The following FAM13A variants were observed in gnomAD, a reference collection of about 807,000 sequenced individuals.
FAM13A encodes the protein family with sequence similarity 13 member A.
In FAM13A, 76 loss-of-function variants were observed where a neutral mutation model predicts 129.6. The ratio of observed to expected loss-of-function variants is 0.59; its 90% CI spans 0.49 to 0.71. FAM13A has a LOEUF of 0.71. Ranked by LOEUF, FAM13A falls within the 30% of genes least tolerant of loss-of-function variation. The pLI is 0.00. For synonymous variants in FAM13A, 443 were observed against 449.9 expected (o/e 0.98, Z 0.20); for missense variants, 1,108 against 1,249.3 (o/e 0.89, Z 1.70).
Position 88,746,949 on chromosome 4 carries a change from T to C in FAM13A, c.2449A>G (p.Ser817Gly). The C allele has an allele frequency of 3.7e-6, 6 of 1,612,984 alleles. No individual in the cohort carries two copies. The highest frequency in any genetic ancestry group is 5.1e-6 in the Non-Finnish European group (6 of 1,178,964). ...TCACATACCGGCCGTCCATGAATGC[T>C]TTCATAATATAACAGAGCTTTCTGC... ...ALQKALLYYESIHGRPVTKNE... is the reference protein window; with the variant it reads ...ALQKALLYYEGIHGRPVTKNE... The change falls in exon 19 of 24, where the codon AGC becomes GGC. Residue 817 changes from serine to glycine, a missense_variant. By Grantham distance (56) the Ser-to-Gly change is moderately conservative. Transcript: ENST00000264344.
intron 8 of FAM13A, among the ~76,000 whole-genome samples, chr4:88,802,948 C>A (rs1015644796): frequency 1.3e-5 from 2 of 152,212 alleles, no homozygotes; most frequent in African/African-American, 4.8e-5. Context: ...CTGATCTGCA[C>A]TCTCTGAAGA....
At chr4:88,898,379 G>A (rs1388185042) in intron 6 of FAM13A, among the ~76,000 whole-genome samples, 1 of 151,912 alleles carries the variant, frequency 6.6e-6, no homozygotes, top group Non-Finnish European at 1.5e-5. Context: ...TTTATCATCT[G>A]TAAGTTTGGA....
Position 88,979,714 on chromosome 4 carries a change from C to T in FAM13A, c.605+11259G>A, listed in dbSNP as rs537632947. On this transcript the variant is annotated intron_variant, in intron 4 of 23. Coordinates refer to ENST00000264344, the MANE Select transcript of FAM13A (RefSeq NM_014883.4). ...ATTGGCCAGGCATGGTGGCTCACCC[C>T]TGTAATCCCAGCATTTTTGGAGGCC... 3.3e-5 allele frequency among the ~76,000 whole-genome samples: 5 copies of T among 152,286 alleles called. No homozygotes were observed. The East Asian group carries it at 9.6e-4, about 29-fold the overall frequency.
At chr4:88,961,493 A>C (rs1283054872) in intron 4 of FAM13A, among the ~76,000 whole-genome samples, 2 of 150,632 alleles carry the variant, frequency 1.3e-5, no homozygotes. Context: ...TCAGCCTCCC[A>C]AGCAGCTAGG....
chr4:88,778,627 G>T (rs1722251905), intron 11 of FAM13A, among the ~76,000 whole-genome samples: 1 of 152,074 alleles, frequency 6.6e-6, no homozygotes, highest in Non-Finnish European at 1.5e-5. Flanking sequence ...TTCCTAACTG[G>T]TCTCTCTGCT....
chr4:88,976,062 G>A (rs1760858609), intron 4 of FAM13A, among the ~76,000 whole-genome samples: 1 of 152,180 alleles, frequency 6.6e-6, no homozygotes, highest in African/African-American at 2.4e-5. Context: ...GATATAAGGA[G>A]TAAGTAAGAT....
In FAM13A at chr4:88,760,504, T is replaced by C. The variant is rs1210328346; in HGVS notation, c.1579-1603A>G. 1.7e-4 allele frequency among the ~76,000 whole-genome samples: 12 copies of C among 70,164 alleles called. 1 individual carries two copies. Among genetic ancestry groups the C allele is most frequent in the African/African-American group, 4.2e-4 (11 of 26,446 alleles). The allele number at this position is 70,164 out of a possible 152,430, so 46.0% of individuals were successfully genotyped here. On this transcript the variant is annotated intron_variant, in intron 13 of 23. Transcript: ENST00000264344. ...CTGTGGTCCCGGCTACTCGGGAGGCTGAGGCAGGAGAATGGCGTGAACCCG... is the reference window on the plus strand; with the variant it reads ...CTGTGGTCCCGGCTACTCGGGAGGCCGAGGCAGGAGAATGGCGTGAACCCG...
chr4:88,825,670 A>G (rs73842248), intron 7 of FAM13A, among the ~76,000 whole-genome samples: 41,537 of 152,162 alleles, frequency 0.27, 6,344 homozygotes, highest in East Asian at 0.62. Flanking sequence ...CCAGCATTAA[A>G]AAAAATGTTA....
Position 89,045,860 on chromosome 4 carries a change from C to A in FAM13A, c.27+11078G>T, listed in dbSNP as rs143321426. 2.2e-4 allele frequency among the ~76,000 whole-genome samples: 33 copies of A among 151,914 alleles called. 1 individual carries two copies. In the South Asian group the frequency reaches 3.7e-3, roughly 17 times the overall value. ...CCAACATGGAGAAACCCCGTCTCTA[C>A]TAATAGTACAAAAATTAGCTGGGCA... On this transcript the variant is annotated intron_variant, in intron 1 of 23. Coordinates refer to ENST00000264344, the MANE Select transcript of FAM13A (RefSeq NM_014883.4).
At chr4:88,941,949 T>G (rs999680096) in intron 4 of FAM13A, among the ~76,000 whole-genome samples, 3 of 152,146 alleles carry the variant, frequency 2.0e-5, no homozygotes, top group Non-Finnish European at 4.4e-5. Context: ...ATTTCTTCTT[T>G]TCTTGTGTGC....
intron 2 of FAM13A, among the ~76,000 whole-genome samples, chr4:89,021,686 G>C (rs1767276441): frequency 6.6e-6 from 1 of 152,160 alleles, no homozygotes; most frequent in Non-Finnish European, 1.5e-5. Flanking sequence ...GATTTAGCTA[G>C]CTAAGAAGTA....
chr4:88,878,123 A>G (rs879888820), intron 6 of FAM13A, among the ~76,000 whole-genome samples: 3 of 151,964 alleles, frequency 2.0e-5, no homozygotes, highest in Non-Finnish European at 4.4e-5. Flanking sequence ...CCCCGTCTCT[A>G]CTAAAAAATA....
At chr4:88,798,083 A>T (rs945868611) in intron 8 of FAM13A, among the ~76,000 whole-genome samples, 1 of 152,184 alleles carries the variant, frequency 6.6e-6, no homozygotes, top group African/African-American at 2.4e-5. Flanking sequence ...ATAATTGTCC[A>T]CTTGGCTGTG....
chr4:88,901,867 A>C, intron 6 of FAM13A, among the ~76,000 whole-genome samples: 1 of 152,132 alleles, frequency 6.6e-6, no homozygotes, highest in African/African-American at 2.4e-5. Flanking sequence ...ATAAAGAATA[A>C]AAGAAAGAAG....
chr4:88,820,211 C>G (rs894613035), intron 7 of FAM13A, among the ~76,000 whole-genome samples: 1 of 152,048 alleles, frequency 6.6e-6, no homozygotes, highest in African/African-American at 2.4e-5. Flanking sequence ...ACAAACATGC[C>G]CCTAATAAAA....
intron 5 of FAM13A, among the ~76,000 whole-genome samples, chr4:88,925,456 CA>C (rs1158632744): frequency 2.0e-5 from 3 of 148,796 alleles, no homozygotes; most frequent in African/African-American, 7.5e-5. Flanking sequence ...ATCGCAAGGA[CA>C]AAAAACCAAA....
intron 6 of FAM13A, among the ~76,000 whole-genome samples, chr4:88,892,570 G>A (rs1745539022): frequency 6.6e-6 from 1 of 152,114 alleles, no homozygotes; most frequent in African/African-American, 2.4e-5. Context: ...TAATTTATTT[G>A]TTCACTTTCA....
At chr4:88,744,010 T>C (rs1396169344) in intron 19 of FAM13A, among the ~76,000 whole-genome samples, 3 of 145,332 alleles carry the variant, frequency 2.1e-5, no homozygotes, top group Admixed American at 6.8e-5. Context: ...AAATGGCAAC[T>C]CTGTCTTCAT....
chr4:88,749,140 T>A, intron 16 of FAM13A, 107 bp from the exon 17 acceptor site: 1 of 800,350 alleles, frequency 1.2e-6, no homozygotes, highest in Non-Finnish European at 2.2e-6. Context: ...TTGAGCCCCA[T>A]CAGAATAAGA....
Sources: gnomAD v4.1 joint callset for allele counts (sites outside exome capture counted in the v4.1 genomes callset) on GRCh38, gnomAD v4.1.1 for gene constraint, MANE v1.5 for transcripts, NCBI Gene and HGNC (gene_info 2026-07-23, HGNC 2026-07-21) for gene names.